UST: variants seen among roughly 807,000 people sequenced by gnomAD.
The protein encoded by UST is uronyl 2-sulfotransferase.
UST carries 21 observed loss-of-function variants against 45.6 expected under a neutral mutation model. The ratio of observed to expected loss-of-function variants is 0.46; its 90% CI spans 0.33 to 0.66. The LOEUF (loss-of-function observed/expected upper bound fraction) is 0.66. Ranked by LOEUF, UST falls within the 30% of genes least tolerant of loss-of-function variation. UST has a pLI of 0.02. For missense variants in UST, 463 were observed against 512.4 expected (o/e 0.90, Z 0.93); for synonymous variants, 215 against 200.6 (o/e 1.07, Z -0.61).
chr6:148,809,314 G>GT (rs1481303419), intron 1 of UST, among the ~76,000 whole-genome samples: 54 of 143,628 alleles, frequency 3.8e-4, no homozygotes, highest in African/African-American at 8.6e-4. Context: ...TAAAACCTTA[G>GT]TTTTTTGTTT....
chr6:148,791,749 T>C (rs1342878467), intron 1 of UST, among the ~76,000 whole-genome samples: 3 of 152,204 alleles, frequency 2.0e-5, no homozygotes, highest in Non-Finnish European at 2.9e-5. Context: ...AAGGGGGACA[T>C]GTAAATCCAG....
At chr6:149,034,944 G>A (rs543752833) in intron 7 of UST, among the ~76,000 whole-genome samples, 3 of 133,174 alleles carry the variant, frequency 2.3e-5, no homozygotes, top group East Asian at 5.0e-4. Flanking sequence ...AATATGACTC[G>A]GTATGTGTGC....
At chr6:148,885,905 A>G (rs944635706) in intron 1 of UST, among the ~76,000 whole-genome samples, 1 of 152,212 alleles carries the variant, frequency 6.6e-6, no homozygotes, top group South Asian at 2.1e-4. Context: ...GTATTCTTGC[A>G]GTTCCGTTCC....
At chr6:149,048,228 G>A (rs1366349052) in intron 7 of UST, among the ~76,000 whole-genome samples, 1 of 151,892 alleles carries the variant, frequency 6.6e-6, no homozygotes, top group Non-Finnish European at 1.5e-5. Context: ...CATAAAAGCA[G>A]TAAAACACAT....
rs1290945873 is a variant in UST, at chr6:148,790,252, G to A, written c.247+42575G>A. The stretch of plus-strand genomic sequence containing the variant: ...TTCATGCCCGTGCTAATCTCACTCC[G>A]TGCTCTTCTGTGCCTCCAACTGGAA... On this transcript the variant is annotated intron_variant, in intron 1 of 7. Coordinates refer to ENST00000367463, the MANE Select transcript of UST (RefSeq NM_005715.3). The surrounding 1 kb of genome is among the most constrained non-coding windows in gnomAD (Gnocchi z 4.2). 1.3e-5 allele frequency among the ~76,000 whole-genome samples: 2 copies of A among 152,114 alleles called. No individual in the cohort carries two copies. Among genetic ancestry groups the A allele is most frequent in the African/African-American group, 4.8e-5 (2 of 41,412 alleles).
chr6:148,873,719 A>T (rs1778600169), intron 1 of UST, among the ~76,000 whole-genome samples: 1 of 152,168 alleles, frequency 6.6e-6, no homozygotes, highest in Non-Finnish European at 1.5e-5. Context: ...CACCTTCCTG[A>T]GCAGCTTCTA....
chr6:149,014,231 T>C (rs1490000770), intron 5 of UST, among the ~76,000 whole-genome samples: 2 of 152,186 alleles, frequency 1.3e-5, no homozygotes, highest in Non-Finnish European at 2.9e-5. Context: ...CAAGTGCCGA[T>C]ACACAGAGGA....
chr6:148,911,305 C>T (rs1198240466), intron 2 of UST, among the ~76,000 whole-genome samples: 1 of 152,178 alleles, frequency 6.6e-6, no homozygotes, highest in Non-Finnish European at 1.5e-5. Flanking sequence ...GGGAGGCCAG[C>T]TCCTTGTTCT....
At chr6:148,775,600 T>C (rs1776515940) in intron 1 of UST, among the ~76,000 whole-genome samples, 1 of 152,084 alleles carries the variant, frequency 6.6e-6, no homozygotes, top group African/African-American at 2.4e-5. Context: ...TTGGTTTTAG[T>C]TGATTGTAAC....
chr6:149,062,216 C>T (rs1199633752), intron 7 of UST, among the ~76,000 whole-genome samples: 12 of 152,202 alleles, frequency 7.9e-5, no homozygotes, highest in Admixed American at 7.9e-4. Flanking sequence ...ATACCACTAC[C>T]TCTCCAGAAC....
At chr6:148,900,441 GT>G (rs1224163732) in intron 2 of UST, among the ~76,000 whole-genome samples, 1 of 152,200 alleles carries the variant, frequency 6.6e-6, no homozygotes, top group Non-Finnish European at 1.5e-5. Context: ...TCTCGTGATA[GT>G]AAGTCTCACG....
At chr6:148,925,457 A>C (rs1209601839) in intron 2 of UST, among the ~76,000 whole-genome samples, 1 of 152,246 alleles carries the variant, frequency 6.6e-6, no homozygotes, top group African/African-American at 2.4e-5. Context: ...AGAAAGAAGA[A>C]AAAGAGAAAA....
chr6:148,971,640 G>A (rs1780921492), intron 5 of UST, among the ~76,000 whole-genome samples: 2 of 152,158 alleles, frequency 1.3e-5, no homozygotes, highest in African/African-American at 2.4e-5. Flanking sequence ...GTGGCAGAAG[G>A]GAACACAGCA....
intron 1 of UST, among the ~76,000 whole-genome samples, chr6:148,819,674 A>G (rs1256749811): frequency 6.6e-6 from 1 of 152,206 alleles, no homozygotes; most frequent in African/African-American, 2.4e-5. Flanking sequence ...TGGCTGTTAA[A>G]AAGCATTATT....
chr6:149,024,375 A>G (rs1776021250), intron 7 of UST, among the ~76,000 whole-genome samples: 1 of 152,222 alleles, frequency 6.6e-6, no homozygotes, highest in South Asian at 2.1e-4. Flanking sequence ...CACACATTAT[A>G]TGCCCAATAA....
chr6:149,044,068 AGT>A (rs1491164346), intron 7 of UST, among the ~76,000 whole-genome samples: 3 of 152,206 alleles, frequency 2.0e-5, no homozygotes, highest in African/African-American at 7.2e-5. Context: ...ACAGCCTTTA[AGT>A]GACTAGGGTA....
chr6:148,835,886 T>C (rs1430706243), intron 1 of UST, among the ~76,000 whole-genome samples: 1 of 152,152 alleles, frequency 6.6e-6, no homozygotes, highest in Non-Finnish European at 1.5e-5. Flanking sequence ...GTTAGAAACT[T>C]TGGTTAATTT....
intron 2 of UST, among the ~76,000 whole-genome samples, chr6:148,902,380 C>G (rs529439429): frequency 2.0e-5 from 3 of 151,602 alleles, no homozygotes; most frequent in Middle Eastern, 6.8e-3. Context: ...GCATGTGCAA[C>G]CATGCCTGGC....
intron 2 of UST, among the ~76,000 whole-genome samples, chr6:148,926,113 A>C (rs755686075): frequency 6.6e-6 from 1 of 152,262 alleles, no homozygotes; most frequent in South Asian, 2.1e-4. Context: ...TTGAAGAAAG[A>C]AAGCAGCACA....
Sources: allele counts gnomAD v4.1 joint callset (sites outside exome capture counted in the v4.1 genomes callset), GRCh38; gene constraint gnomAD v4.1.1; non-coding constraint Gnocchi (gnomAD v3.1); transcripts MANE v1.5; gene names NCBI Gene and HGNC (gene_info 2026-07-23, HGNC 2026-07-21).